The following MRPL48 variants were observed in gnomAD, a reference collection of about 807,000 sequenced individuals.
The protein encoded by MRPL48 is large ribosomal subunit protein mL48.
MRPL48 carries 16 observed loss-of-function variants against 32.9 expected under a neutral mutation model. The observed-to-expected ratio is 0.49, with a 90% CI of 0.33 to 0.74. The LOEUF (loss-of-function observed/expected upper bound fraction) is 0.74, where lower values mean the gene tolerates loss of function less well. Ranked by LOEUF, MRPL48 falls within the 30% of genes least tolerant of loss-of-function variation. MRPL48 has a pLI of 0.02. For missense variants in MRPL48, 206 were observed against 245.3 expected (o/e 0.84, Z 1.07); for synonymous variants, 94 against 89.2 (o/e 1.05, Z -0.31).
chr11:73,795,673 A>AT (rs35881164), intron 1 of MRPL48, among the ~76,000 whole-genome samples: 72,349 of 142,700 alleles, frequency 0.51, 19,043 homozygotes, highest in African/African-American at 0.7. Context: ...CGCCCAGCTA[A>AT]TTTTTTTTTT....
chr11:73,803,844 A>G (rs1331449587), intron 1 of MRPL48, among the ~76,000 whole-genome samples: 2 of 152,106 alleles, frequency 1.3e-5, no homozygotes, highest in African/African-American at 4.8e-5. Context: ...TGCAGTTGCT[A>G]TCATTATATT....
Position 73,859,934 on chromosome 11 carries a change from A to G in MRPL48, c.399A>G (p.Glu133=). Residue 133 remains glutamate (E), a synonymous_variant, in exon 6 of 8, where the codon GAA becomes GAG. Coordinates refer to ENST00000310614, the MANE Select transcript of MRPL48 (RefSeq NM_016055.6). ...ATGCAATGCCAACCAAAACCATAGA[A>G]GTGTTGCAGTTGCAGGACCAAGGCA... The part of the protein sequence containing the change: ...ESYAMPTKTI[E]VLQLQDQGSK... 1 of 1,613,854 alleles carries G rather than the reference A, an allele frequency of 6.2e-7. No individual in the cohort carries two copies. The highest frequency in any genetic ancestry group is 8.5e-7 in the Non-Finnish European group (1 of 1,179,834).
In MRPL48 at chr11:73,851,416, A is replaced by C. The variant is rs138541961; in HGVS notation, c.371+6440A>C. ...CAAATTTGAACTTTTAAACCTTTAT[A>C]CATTAGAGTGCAACTGTGCTAAAAG... On this transcript the variant is annotated intron_variant, in intron 5 of 7. Coordinates refer to ENST00000310614, the MANE Select transcript of MRPL48 (RefSeq NM_016055.6). 2.2e-4 allele frequency among the ~76,000 whole-genome samples: 34 copies of C among 152,320 alleles called. No individual in the cohort carries two copies. In the East Asian group the frequency reaches 6.6e-3, roughly 29 times the overall value.
At chr11:73,848,903 T>TC (rs1948342527) in intron 5 of MRPL48, among the ~76,000 whole-genome samples, 1 of 152,038 alleles carries the variant, frequency 6.6e-6, no homozygotes, top group Admixed American at 6.6e-5. Context: ...CACTGCTACC[T>TC]CCATCTCCTG....
chr11:73,800,586 C>T (rs895536425), intron 1 of MRPL48, among the ~76,000 whole-genome samples: 2 of 152,018 alleles, frequency 1.3e-5, no homozygotes, highest in African/African-American at 2.4e-5. Flanking sequence ...CATTCGCTGG[C>T]GTCACCATCC....
chr11:73,863,301 T>A (rs1484324538), intron 7 of MRPL48, 40 bp downstream of exon 7: 4 of 1,480,316 alleles, frequency 2.7e-6, no homozygotes, highest in Non-Finnish European at 3.7e-6. Context: ...CTGGCCTGCA[T>A]ATGCTCAAAA....
At chr11:73,845,107 A>G in intron 5 of MRPL48, 131 bp downstream of exon 5, 3 of 891,486 alleles carry the variant, frequency 3.4e-6, no homozygotes, top group Non-Finnish European at 4.8e-6. Context: ...AATGTACTAC[A>G]ATAAAAATAT....
At chr11:73,788,209 A>G (rs147102926) in intron 1 of MRPL48, among the ~76,000 whole-genome samples, 1,567 of 152,042 alleles carry the variant, frequency 0.01, 27 homozygotes, top group African/African-American at 0.036. Context: ...TGCCGAGCCG[A>G]CCCGTGCCAC....
chr11:73,812,611 G>C (rs1947585254), intron 3 of MRPL48, among the ~76,000 whole-genome samples: 2 of 151,708 alleles, frequency 1.3e-5, no homozygotes, highest in Admixed American at 1.3e-4. Context: ...TGAAGTCCCA[G>C]AATGGTCCTT....
At position 73,808,478 on chromosome 11, in the gene MRPL48, C is replaced by T; in HGVS notation, c.112+128C>T. ...TGGCCTGAACCAAACCCCACCCCTC[C>T]ATGTGAGCATGGAATAGAACCATGG... On this transcript the variant is annotated intron_variant, in intron 3 of 7. Coordinates refer to ENST00000310614, the MANE Select transcript of MRPL48 (RefSeq NM_016055.6). 4.7e-6 allele frequency: 4 copies of T among 855,446 alleles called. No homozygotes were observed. The East Asian group carries it at 8.0e-5, about 17-fold the overall frequency. 53.0% of individuals were successfully genotyped at this position (855,446 alleles called of 1,614,324 possible).
At chr11:73,864,164 A>G (rs1220546956) in intron 7 of MRPL48, 132 bp from the exon 8 acceptor site, 8 of 707,062 alleles carry the variant, frequency 1.1e-5, no homozygotes, top group Non-Finnish European at 1.9e-5. Context: ...TACATAGTAG[A>G]TAATAAAAGT....
chr11:73,851,218 C>CA, intron 5 of MRPL48: 2 of 410,636 alleles, frequency 4.9e-6, no homozygotes, highest in South Asian at 3.8e-5. Context: ...ATTGGACAAA[C>CA]AAAAATTATA....
chr11:73,840,089 C>T (rs1948162344), intron 4 of MRPL48, among the ~76,000 whole-genome samples: 1 of 144,844 alleles, frequency 6.9e-6, no homozygotes, highest in Non-Finnish European at 1.5e-5. Context: ...TATAGTGAGA[C>T]CCTGTCCTTA....
At chr11:73,815,371 G>A (rs191759040) in intron 3 of MRPL48, among the ~76,000 whole-genome samples, 81 of 152,012 alleles carry the variant, frequency 5.3e-4, no homozygotes, top group African/African-American at 1.9e-3. Flanking sequence ...CCGAGACCAC[G>A]CCATCGCACT....
intron 4 of MRPL48, among the ~76,000 whole-genome samples, chr11:73,829,483 A>G (rs963609014): frequency 2.4e-4 from 37 of 151,084 alleles, no homozygotes; most frequent in African/African-American, 8.7e-4. Context: ...CTTCTGCCTC[A>G]GCTTCTCAGT....
rs763659181 is a variant in MRPL48, at chr11:73,822,350, G to A, written c.113-3358G>A. ...TCTGAGCACCTATGACATTGCTCACGTGTCCATTAAAGTACTTAGTACACC... is the reference window on the plus strand; with the variant it reads ...TCTGAGCACCTATGACATTGCTCACATGTCCATTAAAGTACTTAGTACACC... On this transcript the variant is annotated intron_variant, in intron 3 of 7. Coordinates refer to ENST00000310614, the MANE Select transcript of MRPL48 (RefSeq NM_016055.6). Among the ~76,000 whole-genome samples the A allele has an allele frequency of 2.4e-4, 37 of 152,232 alleles. 1 individual carries two copies. The Middle Eastern group carries it at 0.024, about 98-fold the overall frequency.
chr11:73,849,937 A>T (rs905315859), intron 5 of MRPL48, among the ~76,000 whole-genome samples: 1 of 152,084 alleles, frequency 6.6e-6, no homozygotes, highest in Non-Finnish European at 1.5e-5. Flanking sequence ...GTCTCTACAT[A>T]AAAAATACAA....
At chr11:73,795,204 C>T (rs1947233818) in intron 1 of MRPL48, among the ~76,000 whole-genome samples, 1 of 152,082 alleles carries the variant, frequency 6.6e-6, no homozygotes, top group Admixed American at 6.5e-5. Flanking sequence ...GTGTGAGCCA[C>T]TGCACCTGGC....
At chr11:73,829,963 T>C (rs1947964516) in intron 4 of MRPL48, among the ~76,000 whole-genome samples, 1 of 152,102 alleles carries the variant, frequency 6.6e-6, no homozygotes, top group South Asian at 2.1e-4. Flanking sequence ...GGTCTCGCCA[T>C]GTTACCCAGG....
Sources: gnomAD v4.1 joint callset for allele counts (sites outside exome capture counted in the v4.1 genomes callset) on GRCh38, gnomAD v4.1.1 for gene constraint, MANE v1.5 for transcripts, NCBI Gene and HGNC (gene_info 2026-07-23, HGNC 2026-07-21) for gene names.